Variants in ACBD6 observed in about 807,000 individuals in gnomAD.
ACBD6 encodes the protein acyl-CoA-binding domain-containing protein 6.
ACBD6 carries 28 observed loss-of-function variants against 37.2 expected under a neutral mutation model. The observed-to-expected ratio is 0.75, with a 90% CI of 0.56 to 1.03. The LOEUF is 1.03. Ranked by LOEUF, ACBD6 falls within the 50% of genes least tolerant of loss-of-function variation. The pLI, the probability that ACBD6 is intolerant of heterozygous loss-of-function variation, is 0.00. For missense variants in ACBD6, 340 were observed against 337.4 expected (o/e 1.01, Z -0.06); for synonymous variants, 113 against 126.8 (o/e 0.89, Z 0.73).
intron 6 of ACBD6, among the ~76,000 whole-genome samples, chr1:180,341,171 G>C (rs1006656922): frequency 3.3e-5 from 5 of 152,200 alleles, no homozygotes; most frequent in African/African-American, 1.2e-4. Context: ...TACAGTCTTT[G>C]CCTTTATGGA....
chr1:180,472,496 C>T (rs1650606783), intron 3 of ACBD6, among the ~76,000 whole-genome samples: 1 of 152,148 alleles, frequency 6.6e-6, no homozygotes, highest in Non-Finnish European at 1.5e-5. Flanking sequence ...GAAGACACTA[C>T]AAACACAAAG....
intron 3 of ACBD6, among the ~76,000 whole-genome samples, chr1:180,465,723 C>A (rs1650323014): frequency 6.6e-6 from 1 of 152,088 alleles, no homozygotes; most frequent in Non-Finnish European, 1.5e-5. Context: ...ATGTTCACTG[C>A]AGCACTGTTC....
At chr1:180,493,346 A>T (rs1216235401) in intron 2 of ACBD6, among the ~76,000 whole-genome samples, 7 of 151,036 alleles carry the variant, frequency 4.6e-5, no homozygotes, top group Non-Finnish European at 1.0e-4. Context: ...TGGCAAAAGC[A>T]ACATTTTAGT....
At chr1:180,488,511 G>A (rs1313853576) in intron 3 of ACBD6, among the ~76,000 whole-genome samples, 1 of 151,894 alleles carries the variant, frequency 6.6e-6, no homozygotes, top group African/African-American at 2.4e-5. Context: ...AGATAGCAGA[G>A]TGGTTAACAA....
At chr1:180,379,569 A>T (rs1263183441) in intron 6 of ACBD6, among the ~76,000 whole-genome samples, 1 of 152,162 alleles carries the variant, frequency 6.6e-6, no homozygotes, top group Non-Finnish European at 1.5e-5. Flanking sequence ...AAAAGAACTA[A>T]ACAGAAATTC....
intron 3 of ACBD6, among the ~76,000 whole-genome samples, chr1:180,471,604 A>C (rs1291443682): frequency 6.6e-6 from 1 of 152,010 alleles, no homozygotes; most frequent in African/African-American, 2.4e-5. Context: ...AAAAATGAAG[A>C]AGCAAAAGCG....
At chr1:180,315,491 T>C (rs553129957) in intron 6 of ACBD6, among the ~76,000 whole-genome samples, 16 of 152,354 alleles carry the variant, frequency 1.1e-4, no homozygotes, top group African/African-American at 3.8e-4. Flanking sequence ...CTTTGTAATA[T>C]GCATGGCCGT....
chr1:180,441,393 A>G (rs1163509670), intron 3 of ACBD6, among the ~76,000 whole-genome samples: 2 of 152,098 alleles, frequency 1.3e-5, no homozygotes, highest in African/African-American at 4.8e-5. Flanking sequence ...GTTTGAATCC[A>G]CTAGTTTTGC....
intron 6 of ACBD6, among the ~76,000 whole-genome samples, chr1:180,325,808 G>C (rs1651240479): frequency 6.6e-6 from 1 of 152,200 alleles, no homozygotes. Context: ...TCTTGGATAA[G>C]ATCCAGAAGA....
chr1:180,485,170 C>T (rs529138893), intron 3 of ACBD6, among the ~76,000 whole-genome samples: 2 of 152,066 alleles, frequency 1.3e-5, no homozygotes, highest in South Asian at 4.2e-4. Flanking sequence ...AGCAATGACA[C>T]TCCAGTAGCA....
At chr1:180,462,248 A>G (rs893815769) in intron 3 of ACBD6, among the ~76,000 whole-genome samples, 39 of 152,252 alleles carry the variant, frequency 2.6e-4, no homozygotes, top group African/African-American at 8.7e-4. Flanking sequence ...AAAATAAAAA[A>G]AAAAGTAAAT....
chr1:180,392,782 T>C (rs1654123598), intron 6 of ACBD6, among the ~76,000 whole-genome samples: 1 of 152,100 alleles, frequency 6.6e-6, no homozygotes. Context: ...TTGAAATCTT[T>C]TATAAGACAC....
At chr1:180,488,153 G>C (rs1031012376) in intron 3 of ACBD6, among the ~76,000 whole-genome samples, 1 of 151,934 alleles carries the variant, frequency 6.6e-6, no homozygotes, top group Admixed American at 6.6e-5. Flanking sequence ...TAAAGAAAGA[G>C]AATGATAAAG....
intron 6 of ACBD6, among the ~76,000 whole-genome samples, chr1:180,323,029 G>A (rs1288586939): frequency 1.3e-5 from 2 of 151,608 alleles, no homozygotes; most frequent in African/African-American, 4.8e-5. Context: ...TGCTTTCACT[G>A]TATCTTACAG....
chr1:180,274,405 G>A (rs532838415), intron 10 of ACBD6: 4 of 1,614,054 alleles, frequency 2.5e-6, no homozygotes, highest in African/African-American at 1.3e-5. Context: ...TGGATTACAC[G>A]GTGGACAGTA....
At position 180,307,614 on chromosome 1, in the gene ACBD6, A is replaced by G. The variant is rs139531623; in HGVS notation, c.694+7078T>C. Among the ~76,000 whole-genome samples, 822 of 152,292 alleles carry G rather than the reference A, an allele frequency of 5.4e-3. 7 individuals carry two copies. Among genetic ancestry groups the G allele is most frequent in the African/African-American group, 0.019 (777 of 41,568 alleles). ...TTGGATCCCTGTATCAAAGTATCTC[A>G]TGTACCCCATAAATATGCATCTACT... is the stretch of plus-strand genomic sequence containing the variant. On this transcript the variant is annotated intron_variant, in intron 7 of 7. Transcript: ENST00000367595.
intron 7 of ACBD6, among the ~76,000 whole-genome samples, chr1:180,289,188 G>A (rs1649608513): frequency 6.6e-6 from 1 of 152,110 alleles, no homozygotes; most frequent in South Asian, 2.1e-4. Context: ...TTAGAACAGA[G>A]GGTGATCTAT....
chr1:180,372,040 C>G (rs753339124), intron 6 of ACBD6, among the ~76,000 whole-genome samples: 2 of 152,000 alleles, frequency 1.3e-5, no homozygotes, highest in Non-Finnish European at 2.9e-5. Flanking sequence ...AACAGAATAC[C>G]AAAGTGTTAT....
chr1:180,341,205 G>A (rs1444726821), intron 6 of ACBD6, among the ~76,000 whole-genome samples: 1 of 152,024 alleles, frequency 6.6e-6, no homozygotes, highest in Non-Finnish European at 1.5e-5. Flanking sequence ...TTTACATATT[G>A]CAAAATAGAA....
Sources: gnomAD v4.1 joint callset for allele counts (sites outside exome capture counted in the v4.1 genomes callset) on GRCh38, gnomAD v4.1.1 for gene constraint, MANE v1.5 for transcripts, NCBI Gene and HGNC (gene_info 2026-07-23, HGNC 2026-07-21) for gene names.